Variants in SAMD5 observed in about 807,000 individuals in gnomAD.
The protein encoded by SAMD5 is sterile alpha motif domain containing 5.
SAMD5 carries 13 observed loss-of-function variants against 11.3 expected under a neutral mutation model. The observed-to-expected ratio is 1.15, with a 90% CI of 0.75 to 1.83. The LOEUF is 1.83. Among genes scored for constraint, SAMD5 ranks in the 40% most tolerant of loss-of-function variants. The pLI is 0.00. For missense variants in SAMD5, 255 were observed against 239.1 expected (o/e 1.07, Z -0.44); for synonymous variants, 129 against 111.3 (o/e 1.16, Z -1.00).
chr6:147,717,891 C>T (rs1791491092), intron 1 of SAMD5, among the ~76,000 whole-genome samples: 1 of 146,518 alleles, frequency 6.8e-6, no homozygotes, highest in South Asian at 2.1e-4. Flanking sequence ...AACAAAAAAA[C>T]TGCCTTCTGA....
rs1790418883 is a variant in SAMD5, at chr6:147,647,256, T to G, written c.163-90061T>G. On this transcript the variant is annotated intron_variant, in intron 1 of 1. Coordinates refer to the SAMD5 transcript ENST00000566741. ...CATAAGGTTCTTTATTCTGTCATCT[T>G]CATGTTGAGTGGCTGAAGGGAGGAA... Among the ~76,000 whole-genome samples, 4 of 152,188 alleles carry G rather than the reference T, an allele frequency of 2.6e-5. No individual in the cohort carries two copies. In the South Asian group the frequency reaches 8.3e-4, roughly 32 times the overall value.
At chr6:147,792,296 T>C in the SAMD5 span, among the ~76,000 whole-genome samples, 1 of 152,156 alleles carries the variant, frequency 6.6e-6, no homozygotes, top group Non-Finnish European at 1.5e-5. Context: ...AGTATAATAA[T>C]GTACTAAAAT....
the SAMD5 span, among the ~76,000 whole-genome samples, chr6:147,765,160 C>CA: frequency 6.6e-6 from 1 of 151,998 alleles, no homozygotes; most frequent in African/African-American, 2.4e-5. Flanking sequence ...CTGAGTTTTA[C>CA]AAAAAAGCTA....
chr6:147,635,542 T>A (rs1790217441), intron 1 of SAMD5, among the ~76,000 whole-genome samples: 1 of 152,208 alleles, frequency 6.6e-6, no homozygotes, highest in South Asian at 2.1e-4. Flanking sequence ...TTCATGCTGA[T>A]TTCATTTTTA....
chr6:147,625,352 T>G (rs1371135135), intron 1 of SAMD5, among the ~76,000 whole-genome samples: 1 of 152,198 alleles, frequency 6.6e-6, no homozygotes, highest in Non-Finnish European at 1.5e-5. Context: ...CAGGAGGGAC[T>G]CATGTTTCAT....
intron 1 of SAMD5, among the ~76,000 whole-genome samples, chr6:147,732,434 TATC>T (rs1446920616): frequency 1.3e-5 from 2 of 152,230 alleles, no homozygotes; most frequent in African/African-American, 2.4e-5. Flanking sequence ...AAGCCAGTAA[TATC>T]ATCTGCAGAA....
intron 1 of SAMD5, among the ~76,000 whole-genome samples, chr6:147,530,767 G>T (rs1455930997): frequency 6.6e-6 from 1 of 152,214 alleles, no homozygotes; most frequent in Admixed American, 6.5e-5. Context: ...GGACCAGGCC[G>T]TGGTTCCCAA....
intron 1 of SAMD5, among the ~76,000 whole-genome samples, chr6:147,735,020 A>C (rs1439097266): frequency 6.6e-6 from 1 of 152,224 alleles, no homozygotes; most frequent in Non-Finnish European, 1.5e-5. Context: ...AGCACAATCA[A>C]GAGACAGACA....
At chr6:147,911,243 G>A in the SAMD5 span, among the ~76,000 whole-genome samples, 1 of 152,200 alleles carries the variant, frequency 6.6e-6, no homozygotes, top group African/African-American at 2.4e-5. Context: ...CGTCAATGCT[G>A]TAGCAACACG....
intron 1 of SAMD5, among the ~76,000 whole-genome samples, chr6:147,720,394 C>T (rs939148618): frequency 3.3e-5 from 5 of 151,552 alleles, no homozygotes; most frequent in African/African-American, 7.3e-5. Flanking sequence ...ACCCAGGAGG[C>T]GGAGCTTGCA....
At chr6:147,530,751 ATTGCG>A (rs1277467458) in intron 1 of SAMD5, among the ~76,000 whole-genome samples, 2 of 152,210 alleles carry the variant, frequency 1.3e-5, no homozygotes, top group African/African-American at 4.8e-5. Context: ...GAGTTGAGGA[ATTGCG>A]GGACCAGGCC....
the SAMD5 span, among the ~76,000 whole-genome samples, chr6:147,902,414 A>G: frequency 1.3e-5 from 2 of 152,028 alleles, no homozygotes; most frequent in East Asian, 1.9e-4. Context: ...GCTCATTTGC[A>G]TATCCTTGTG....
the SAMD5 span, among the ~76,000 whole-genome samples, chr6:147,758,251 C>T: frequency 6.6e-6 from 1 of 152,188 alleles, no homozygotes; most frequent in South Asian, 2.1e-4. Flanking sequence ...AGAAATTAAT[C>T]ACTGTCATGA....
chr6:147,868,072 T>A, the SAMD5 span, among the ~76,000 whole-genome samples: 1 of 152,216 alleles, frequency 6.6e-6, no homozygotes, highest in Admixed American at 6.5e-5. Context: ...TACAAGATGT[T>A]GACTGAAGCT....
the SAMD5 span, among the ~76,000 whole-genome samples, chr6:147,818,688 T>G: frequency 6.6e-6 from 1 of 152,148 alleles, no homozygotes; most frequent in Admixed American, 6.6e-5. Context: ...CCATTCAATA[T>G]CCACAACGCC....
chr6:147,638,643 C>A (rs74975740), intron 1 of SAMD5, among the ~76,000 whole-genome samples: 5,207 of 152,120 alleles, frequency 0.034, 301 homozygotes, highest in African/African-American at 0.12. Context: ...GTGTGCGTGG[C>A]CAGTGGGTTG....
chr6:147,728,879 G>A lies in SAMD5; in HGVS notation c.163-8438G>A, dbSNP rs558088006. Among the ~76,000 whole-genome samples the A allele has an allele frequency of 2.0e-5, 3 of 152,282 alleles. No homozygotes were observed. In the East Asian group the frequency reaches 5.8e-4, roughly 29 times the overall value. On this transcript the variant is annotated intron_variant, in intron 1 of 1. Coordinates refer to the SAMD5 transcript ENST00000566741. ...CTTTATGCAGTTCTGTGTGGCTTCT[G>A]TATCTATTTAATTTTGAAATAAATA...
At chr6:147,769,946 C>T in the SAMD5 span, among the ~76,000 whole-genome samples, 2 of 152,328 alleles carry the variant, frequency 1.3e-5, no homozygotes, top group African/African-American at 4.8e-5. Context: ...GGAACAGAAG[C>T]TGTTAGAGTA....
At chr6:147,618,132 T>C (rs1360962796) in intron 1 of SAMD5, among the ~76,000 whole-genome samples, 1 of 152,224 alleles carries the variant, frequency 6.6e-6, no homozygotes, top group African/African-American at 2.4e-5. Flanking sequence ...AGGAAACTGA[T>C]ATAACTAAGG....
Sources: allele counts gnomAD v4.1 joint callset (sites outside exome capture counted in the v4.1 genomes callset), GRCh38; gene constraint gnomAD v4.1.1; transcripts MANE v1.5; gene names NCBI Gene and HGNC (gene_info 2026-07-23, HGNC 2026-07-21).